ZNF791: variants seen among roughly 807,000 people sequenced by gnomAD.
The protein encoded by ZNF791 is zinc finger protein 791.
Under a neutral mutation model 11.5 loss-of-function variants are expected in ZNF791, and 4 were observed. The ratio of observed to expected loss-of-function variants is 0.35; its 90% CI spans 0.17 to 0.80. ZNF791 has a LOEUF of 0.80. Among genes scored for constraint, ZNF791 ranks in the 30% least tolerant of loss-of-function variants. ZNF791 has a pLI of 0.53. For synonymous variants in ZNF791, 212 were observed against 228.1 expected, an observed-to-expected ratio of 0.93 and a Z score of 0.64; for missense variants, 559 against 699.4, an observed-to-expected ratio of 0.80 and a Z score of 2.26.
chr19:12,617,956 C>T (rs1278692814), intron 1 of ZNF791, among the ~76,000 whole-genome samples: 7 of 132,568 alleles, frequency 5.3e-5, no homozygotes, highest in Non-Finnish European at 1.1e-4. Context: ...TCGTCCTTGT[C>T]GCCCAGGCTG....
At chr19:12,611,227 T>TCTCTGGGCTCTCCGGGGAGC in intron 1 of ZNF791, 145 bp downstream of exon 1, 2 of 1,147,690 alleles carry the variant, frequency 1.7e-6, no homozygotes, top group Non-Finnish European at 2.5e-6. Context: ...GCGACTGCGG[T>TCTCTGGGCTCTCCGGGGAGC]CCCAGCCCCG....
intron 1 of ZNF791, among the ~76,000 whole-genome samples, chr19:12,615,212 C>T (rs1006122632): frequency 1.3e-5 from 2 of 151,256 alleles, no homozygotes; most frequent in Non-Finnish European, 2.9e-5. Flanking sequence ...GATGGGGTTT[C>T]GCCATATTGC....
chr19:12,628,853 T>TG lies in ZNF791; in HGVS notation c.1325dup (p.Cys442TrpfsTer2). 6.2e-7 allele frequency: 1 copy of TG among 1,613,822 alleles called. No individual in the cohort carries two copies. Among genetic ancestry groups the TG allele is most frequent in the Non-Finnish European group, 8.5e-7 (1 of 1,179,962 alleles). On this transcript the variant is annotated frameshift_variant, in exon 4 of 4. Coordinates refer to ENST00000343325, the MANE Select transcript of ZNF791 (RefSeq NM_153358.3). LOFTEE classifies it low-confidence loss of function (END_TRUNC). ...CCACACTGGAGACGGACCTTATAAA[T>TG]GTAGGGACTGTGGGAAGGTGTTCAT... is the stretch of plus-strand genomic sequence containing the variant.
At chr19:12,618,899 G>C (rs1378933434) in intron 1 of ZNF791, among the ~76,000 whole-genome samples, 1 of 151,394 alleles carries the variant, frequency 6.6e-6, no homozygotes, top group African/African-American at 2.4e-5. Flanking sequence ...CCAGGCTGGA[G>C]TGCAGTGGTG....
chr19:12,611,132 C>CGGG (rs986489883), intron 1 of ZNF791, 50 bp downstream of exon 1: 21 of 1,610,304 alleles, frequency 1.3e-5, no homozygotes, highest in Non-Finnish European at 1.8e-5. Flanking sequence ...TCGCGGGACC[C>CGGG]GGGCCTCCCC....
At position 12,628,066 on chromosome 19, in the gene ZNF791, G is replaced by A; in HGVS notation, c.537G>A (p.Glu179=). Reference sequence around the variant, plus strand: ...ATCACCAGCCCTTTCAAAGACATGAGCGGACTCACATTGGAGAAAAACCCT... The same window carrying A: ...ATCACCAGCCCTTTCAAAGACATGAACGGACTCACATTGGAGAAAAACCCT... ...FIYHQPFQRH[E]RTHIGEKPYE... Residue 179 remains glutamate, a synonymous_variant, in exon 4 of 4, where the codon GAG becomes GAA. Coordinates refer to ENST00000343325, the MANE Select transcript of ZNF791 (RefSeq NM_153358.3). The A allele has an allele frequency of 1.2e-6, 2 of 1,613,686 alleles. No homozygotes were observed. Among genetic ancestry groups the A allele is most frequent in the South Asian group, 2.2e-5 (2 of 91,012 alleles).
chr19:12,614,713 G>C (rs57678046), intron 1 of ZNF791, among the ~76,000 whole-genome samples: 2,538 of 150,996 alleles, frequency 0.017, 73 homozygotes, highest in African/African-American at 0.057. Flanking sequence ...TTCTGCCTCA[G>C]CCTCCCAGGT....
intron 3 of ZNF791, among the ~76,000 whole-genome samples, chr19:12,625,803 G>A: frequency 6.7e-6 from 1 of 149,116 alleles, no homozygotes; most frequent in South Asian, 2.1e-4. Flanking sequence ...AAAAAAAGAA[G>A]AAGAAGAAGA....
At chr19:12,622,411 C>CAAAAAA (rs370413296) in intron 1 of ZNF791, among the ~76,000 whole-genome samples, 127 of 79,156 alleles carry the variant, frequency 1.6e-3, no homozygotes, top group Non-Finnish European at 2.0e-3. Context: ...CTGTCTCAAA[C>CAAAAAA]AAAAAAAAAA....
At chr19:12,622,703 G>A (rs2023372840) in intron 1 of ZNF791, among the ~76,000 whole-genome samples, 1 of 151,960 alleles carries the variant, frequency 6.6e-6, no homozygotes, top group East Asian at 1.9e-4. Flanking sequence ...GACCAGCCTA[G>A]CCAAGATGGT....
At position 12,629,382 on chromosome 19, in the gene ZNF791, CAAG is replaced by C; in HGVS notation, c.*124_*126del. On this transcript the variant is annotated 3_prime_UTR_variant, in exon 4 of 4. Coordinates refer to ENST00000343325, the MANE Select transcript of ZNF791 (RefSeq NM_153358.3). ...TGTAAGTAATATAGAAAGCGAGATA[CAAG>C]ATGATTCATGTATAGTCAGGTACCA... is the stretch of plus-strand genomic sequence containing the variant. The C allele has an allele frequency of 1.4e-6, 1 of 722,776 alleles. No homozygotes were observed. The highest frequency in any genetic ancestry group is 2.1e-6 in the Non-Finnish European group (1 of 481,164). The allele number at this position is 722,776 out of a possible 1,614,324, so 44.8% of individuals were successfully genotyped here.
intron 1 of ZNF791, among the ~76,000 whole-genome samples, chr19:12,611,553 A>T (rs1218040799): frequency 1.3e-5 from 2 of 152,194 alleles, no homozygotes; most frequent in Non-Finnish European, 2.9e-5. Context: ...GCCAGTGGAA[A>T]ACATCGTCAC....
In ZNF791 at chr19:12,619,700, C is replaced by T. The variant is rs190533329; in HGVS notation, c.4-4000C>T. On this transcript the variant is annotated intron_variant, in intron 1 of 3. Transcript: ENST00000343325. ...TCCTGACCTCATGATCTACCTGCCT[C>T]GGCCTCCCCAAGTGCTGGGATTACA... Among the ~76,000 whole-genome samples the T allele has an allele frequency of 7.6e-3, 1,144 of 151,512 alleles. 15 individuals carry two copies. The highest frequency in any genetic ancestry group is 0.027 in the African/African-American group (1,106 of 41,370).
At chr19:12,627,038 A>C (rs2023439727) in intron 3 of ZNF791, among the ~76,000 whole-genome samples, 1 of 151,890 alleles carries the variant, frequency 6.6e-6, no homozygotes, top group Non-Finnish European at 1.5e-5. Flanking sequence ...AAATTCAGTC[A>C]GTTGTGGTGG....
At chr19:12,615,167 C>T (rs1034991814) in intron 1 of ZNF791, among the ~76,000 whole-genome samples, 1 of 150,608 alleles carries the variant, frequency 6.6e-6, no homozygotes, top group African/African-American at 2.4e-5. Flanking sequence ...ATGCATGCAC[C>T]ACAATGCCCA....
chr19:12,632,821 C>T lies in ZNF791; in HGVS notation c.*3561C>T, dbSNP rs59273572. On this transcript the variant is annotated 3_prime_UTR_variant, in exon 4 of 4. Transcript: ENST00000343325. ...AAAATATAATAAATTTCTTGCCGGG[C>T]GCAGTGGCTCACACCTGTAATCCCA... is the stretch of plus-strand genomic sequence containing the variant. 10,185 of 151,824 alleles carry T rather than the reference C, an allele frequency of 0.067. 962 individuals carry two copies. Among genetic ancestry groups the T allele is most frequent in the African/African-American group, 0.21 (8,787 of 41,356 alleles). 9.4% of individuals were successfully genotyped at this position (151,824 alleles called of 1,614,324 possible). A position where few individuals can be genotyped will look rare whatever the true frequency, so the allele number is the denominator to read the frequency against.
chr19:12,626,799 G>A (rs909656021), intron 3 of ZNF791, among the ~76,000 whole-genome samples: 20 of 150,740 alleles, frequency 1.3e-4, no homozygotes, highest in African/African-American at 4.9e-4. Flanking sequence ...TAGAGACGGG[G>A]TTTCACCCTG....
At chr19:12,616,265 T>G (rs1354617706) in intron 1 of ZNF791, among the ~76,000 whole-genome samples, 4 of 152,204 alleles carry the variant, frequency 2.6e-5, no homozygotes, top group African/African-American at 9.6e-5. Flanking sequence ...CATTTTTCAC[T>G]GGTTCATTTG....
At position 12,629,362 on chromosome 19, in the gene ZNF791, G is replaced by A; in HGVS notation, c.*102G>A. ...GAAGAGAGAAATCCTGTCAATGTAA[G>A]TAATATAGAAAGCGAGATACAAGAT... On this transcript the variant is annotated 3_prime_UTR_variant, in exon 4 of 4. Transcript: ENST00000343325. 1.1e-6 allele frequency: 1 copy of A among 892,620 alleles called. No individual in the cohort carries two copies. The highest frequency in any genetic ancestry group is 1.6e-6 in the Non-Finnish European group (1 of 627,744). The allele number at this position is 892,620 out of a possible 1,614,324, so 55.3% of individuals were successfully genotyped here. A position where few individuals can be genotyped will look rare whatever the true frequency, so the allele number is the denominator to read the frequency against.
Sources: allele counts gnomAD v4.1 joint callset (sites outside exome capture counted in the v4.1 genomes callset), GRCh38; gene constraint gnomAD v4.1.1; transcripts MANE v1.5; gene names NCBI Gene and HGNC (gene_info 2026-07-23, HGNC 2026-07-21).